DCLK1: variants seen among roughly 807,000 people sequenced by gnomAD.
DCLK1 encodes the protein serine/threonine-protein kinase DCLK1.
A neutral mutation model predicts 86.2 loss-of-function variants in DCLK1; 16 were observed. The ratio of observed to expected loss-of-function variants is 0.19; its 90% CI spans 0.13 to 0.28. The LOEUF (loss-of-function observed/expected upper bound fraction) is 0.28. Ranked by LOEUF, DCLK1 falls within the 10% of genes least tolerant of loss-of-function variation. The pLI, the probability that DCLK1 is intolerant of heterozygous loss-of-function variation, is 1.00. For missense variants in DCLK1, 590 were observed against 940.2 expected, an observed-to-expected ratio of 0.63 and a Z score of 4.87; for synonymous variants, 369 against 370.5, an observed-to-expected ratio of 1.00 and a Z score of 0.05.
At chr13:35,818,718 T>A (rs774386678) in intron 11 of DCLK1, among the ~76,000 whole-genome samples, 9 of 152,146 alleles carry the variant, frequency 5.9e-5, no homozygotes, top group Non-Finnish European at 1.3e-4. Context: ...CACAAGCTGC[T>A]ACTGATGGTT....
At chr13:36,023,901 C>CCT (rs1555357713) in intron 3 of DCLK1, among the ~76,000 whole-genome samples, 12 of 128,534 alleles carry the variant, frequency 9.3e-5, no homozygotes, top group African/African-American at 3.5e-4. Flanking sequence ...TTCTTTCTTT[C>CCT]TTTTTTTTTT....
intron 4 of DCLK1, among the ~76,000 whole-genome samples, chr13:35,911,016 G>T (rs1244603562): frequency 6.6e-6 from 1 of 151,782 alleles, no homozygotes; most frequent in Non-Finnish European, 1.5e-5. Flanking sequence ...AGGCATGGCG[G>T]CTGATGCCTG....
rs59547496 is a variant in DCLK1 at position 35,989,936 on chromosome 13, A to C, written c.724-42479T>G. ...TTTTAAAAAATAACTGATATGTGAT[A>C]AACTAAGAGTTGGTAGGTGCCAGAT... is the stretch of plus-strand genomic sequence containing the variant. On this transcript the variant is annotated intron_variant, in intron 3 of 16. Coordinates refer to ENST00000360631, the MANE Select transcript of DCLK1 (RefSeq NM_001330071.2). Among the ~76,000 whole-genome samples the C allele has an allele frequency of 5.3e-3, 810 of 152,342 alleles. 5 individuals are homozygous for C. Among genetic ancestry groups the C allele is most frequent in the African/African-American group, 0.018 (752 of 41,572 alleles).
intron 11 of DCLK1, among the ~76,000 whole-genome samples, chr13:35,812,961 T>C (rs2087179666): frequency 6.6e-6 from 1 of 152,230 alleles, no homozygotes; most frequent in Admixed American, 6.5e-5. Flanking sequence ...GCATCACAGC[T>C]GCAAAACACA....
intron 4 of DCLK1, among the ~76,000 whole-genome samples, chr13:35,905,308 T>C (rs1252550789): frequency 1.3e-5 from 2 of 152,222 alleles, no homozygotes; most frequent in Admixed American, 6.5e-5. Flanking sequence ...AATCACAGTT[T>C]TCTTCTGGCA....
At chr13:36,067,551 A>G (rs1242175929) in intron 3 of DCLK1, among the ~76,000 whole-genome samples, 3 of 151,652 alleles carry the variant, frequency 2.0e-5, no homozygotes, top group African/African-American at 2.4e-5. Context: ...TAAAACTTAA[A>G]GTATAATAAT....
chr13:36,024,093 A>T (rs1881925388), intron 3 of DCLK1, among the ~76,000 whole-genome samples: 1 of 151,054 alleles, frequency 6.6e-6, no homozygotes, highest in Non-Finnish European at 1.5e-5. Context: ...GCGGGGTTTC[A>T]CCATGTTGGC....
intron 3 of DCLK1, among the ~76,000 whole-genome samples, chr13:36,020,103 C>G (rs893160126): frequency 6.6e-6 from 1 of 152,120 alleles, no homozygotes; most frequent in African/African-American, 2.4e-5. Flanking sequence ...CTGTCCTCTG[C>G]CTTTTGCCAC....
chr13:35,854,784 G>T (rs952699293), intron 5 of DCLK1, among the ~76,000 whole-genome samples, 191 bp from the exon 6 acceptor site: 1 of 152,206 alleles, frequency 6.6e-6, no homozygotes, highest in Non-Finnish European at 1.5e-5. Flanking sequence ...TGTAAATCCT[G>T]TGTTTCATAG....
intron 8 of DCLK1, among the ~76,000 whole-genome samples, chr13:35,831,474 G>A (rs537530893): frequency 2.0e-5 from 3 of 152,112 alleles, no homozygotes; most frequent in East Asian, 3.9e-4. Context: ...TAATGAATTC[G>A]CCTTCCTGCA....
intron 1 of DCLK1, among the ~76,000 whole-genome samples, chr13:36,129,475 T>C (rs550809658): frequency 5.9e-5 from 9 of 151,856 alleles, no homozygotes; most frequent in African/African-American, 2.2e-4. Context: ...ATACTCAGAG[T>C]GAAATCATTT....
intron 4 of DCLK1, among the ~76,000 whole-genome samples, chr13:35,937,558 T>C (rs1411254374): frequency 6.6e-6 from 1 of 152,162 alleles, no homozygotes; most frequent in African/African-American, 2.4e-5. Context: ...ATGACTATTA[T>C]GTAGGACTAG....
intron 16 of DCLK1, among the ~76,000 whole-genome samples, chr13:35,781,213 T>C (rs2086519177): frequency 6.6e-6 from 1 of 152,234 alleles, no homozygotes; most frequent in Non-Finnish European, 1.5e-5. Flanking sequence ...TTGTCTTGTC[T>C]GGTAGCTTAA....
At chr13:35,908,208 T>TTTAGTATACTAAAATGTA (rs141776155) in intron 4 of DCLK1, among the ~76,000 whole-genome samples, 10,629 of 150,418 alleles carry the variant, frequency 0.071, 435 homozygotes, top group South Asian at 0.14. Context: ...GAACTAAACT[T>TTTAGTATACTAAAATGTA]TTAGTATACT....
intron 16 of DCLK1, chr13:35,788,422 T>A: frequency 1.3e-6 from 1 of 766,618 alleles, no homozygotes; most frequent in East Asian, 2.7e-5. Context: ...CTAGCTAATA[T>A]CCTAAGTCTG....
chr13:36,111,007 T>A (rs995517926), intron 3 of DCLK1, among the ~76,000 whole-genome samples: 2 of 151,850 alleles, frequency 1.3e-5, no homozygotes, highest in Non-Finnish European at 2.9e-5. Flanking sequence ...ATTTTTTTTT[T>A]TTATTTTGAG....
At chr13:36,071,044 T>C (rs1209666138) in intron 3 of DCLK1, among the ~76,000 whole-genome samples, 1 of 152,036 alleles carries the variant, frequency 6.6e-6, no homozygotes, top group Non-Finnish European at 1.5e-5. Context: ...GCAAAATGAG[T>C]CAGTCTACAA....
chr13:36,020,661 G>T (rs1881738193), intron 3 of DCLK1, among the ~76,000 whole-genome samples: 1 of 151,970 alleles, frequency 6.6e-6, no homozygotes, highest in Admixed American at 6.6e-5. Flanking sequence ...GTCTAAAAAA[G>T]ATTAAAATCT....
At chr13:36,116,043 G>A (rs2138198331) in intron 2 of DCLK1, among the ~76,000 whole-genome samples, 1 of 151,808 alleles carries the variant, frequency 6.6e-6, no homozygotes, top group Middle Eastern at 3.4e-3. Context: ...TCTGCCTCCT[G>A]AGTCCAAGCA....
Sources: gnomAD v4.1 joint callset for allele counts (sites outside exome capture counted in the v4.1 genomes callset) on GRCh38, gnomAD v4.1.1 for gene constraint, MANE v1.5 for transcripts, NCBI Gene and HGNC (gene_info 2026-07-23, HGNC 2026-07-21) for gene names.